Variants in OLA1 observed in about 807,000 individuals in gnomAD.
The protein encoded by OLA1 is Obg like ATPase 1.
Under a neutral mutation model 48.4 loss-of-function variants are expected in OLA1, and 14 were observed. The observed-to-expected ratio is 0.29, with a 90% confidence interval of 0.19 to 0.45. The LOEUF is 0.45. Ranked by LOEUF, OLA1 falls within the 20% of genes least tolerant of loss-of-function variation. The pLI, the probability that OLA1 is intolerant of heterozygous loss-of-function variation, is 1.00. For synonymous variants in OLA1, 127 were observed against 150.4 expected (o/e 0.84, Z 1.14); for missense variants, 325 against 467.1 (o/e 0.70, Z 2.80).
intron 4 of OLA1, among the ~76,000 whole-genome samples, chr2:174,167,983 G>A (rs1223105207): frequency 6.6e-6 from 1 of 152,158 alleles, no homozygotes; most frequent in Non-Finnish European, 1.5e-5. Context: ...GATACAAAAA[G>A]CAGCTACCTA....
chr2:174,143,294 G>A (rs1280608015), intron 4 of OLA1, among the ~76,000 whole-genome samples: 1 of 152,082 alleles, frequency 6.6e-6, no homozygotes, highest in African/African-American at 2.4e-5. Flanking sequence ...GCTATATTAT[G>A]TTTTACTAAC....
intron 2 of OLA1, among the ~76,000 whole-genome samples, chr2:174,230,651 A>G (rs1688707811): frequency 6.6e-6 from 1 of 152,224 alleles, no homozygotes; most frequent in Non-Finnish European, 1.5e-5. Flanking sequence ...AGAAGAACAT[A>G]TTAAATGATA....
At chr2:174,126,536 C>T (rs1204183166) in intron 5 of OLA1, among the ~76,000 whole-genome samples, 1 of 152,118 alleles carries the variant, frequency 6.6e-6, no homozygotes, top group African/African-American at 2.4e-5. Context: ...TTCGGTTAGA[C>T]TGCAGTTACA....
chr2:174,149,733 G>A (rs1416115316), intron 4 of OLA1, among the ~76,000 whole-genome samples: 3 of 152,102 alleles, frequency 2.0e-5, no homozygotes, highest in African/African-American at 4.8e-5. Context: ...TGATGAGTTG[G>A]CTCTTTTCAA....
At chr2:174,100,899 T>C (rs903104134) in intron 7 of OLA1, among the ~76,000 whole-genome samples, 15 of 152,192 alleles carry the variant, frequency 9.9e-5, no homozygotes, top group African/African-American at 2.9e-4. Flanking sequence ...ACAGCAAAAA[T>C]AGACCACAAC....
intron 7 of OLA1, among the ~76,000 whole-genome samples, chr2:174,085,902 A>T (rs1684965618): frequency 6.6e-6 from 1 of 151,782 alleles, no homozygotes; most frequent in Non-Finnish European, 1.5e-5. Context: ...TAGTTTCTTA[A>T]CTCCCCTCTC....
chr2:174,167,500 T>C (rs1687194075), intron 4 of OLA1, among the ~76,000 whole-genome samples: 1 of 152,182 alleles, frequency 6.6e-6, no homozygotes, highest in East Asian at 1.9e-4. Context: ...CGCTTGAACC[T>C]GTGAGGCGGA....
chr2:174,222,708 T>A (rs1688535045), intron 4 of OLA1, among the ~76,000 whole-genome samples: 1 of 152,166 alleles, frequency 6.6e-6, no homozygotes, highest in African/African-American at 2.4e-5. Flanking sequence ...GCAATAAAGT[T>A]CCACAATTTA....
intron 4 of OLA1, among the ~76,000 whole-genome samples, chr2:174,150,245 T>C (rs1686711689): frequency 6.6e-6 from 1 of 151,720 alleles, no homozygotes; most frequent in Non-Finnish European, 1.5e-5. Context: ...ATCACCAGAG[T>C]GGGTTTGTTA....
At chr2:174,192,875 T>G (rs912405796) in intron 4 of OLA1, among the ~76,000 whole-genome samples, 4 of 152,312 alleles carry the variant, frequency 2.6e-5, no homozygotes, top group South Asian at 4.1e-4. Context: ...ATCATTGTTC[T>G]CTATACATAA....
At chr2:174,082,147 T>TA in intron 7 of OLA1, 83 bp from the exon 8 acceptor site, 1 of 1,455,978 alleles carries the variant, frequency 6.9e-7, no homozygotes, top group Non-Finnish European at 9.5e-7. Context: ...AGCACATACA[T>TA]ATTCATAAGA....
At chr2:174,179,668 A>T (rs1209068755) in intron 4 of OLA1, among the ~76,000 whole-genome samples, 1 of 152,054 alleles carries the variant, frequency 6.6e-6, no homozygotes, top group Non-Finnish European at 1.5e-5. Context: ...TAACATTTAC[A>T]TACTGACTAA....
chr2:174,104,719 A>T (rs770103774), intron 7 of OLA1, among the ~76,000 whole-genome samples: 9 of 152,082 alleles, frequency 5.9e-5, no homozygotes, highest in African/African-American at 9.6e-5. Context: ...AAATTTAAGC[A>T]GTTTGAAGCA....
intron 7 of OLA1, among the ~76,000 whole-genome samples, chr2:174,113,843 C>T (rs1049133588): frequency 2.6e-5 from 4 of 152,122 alleles, no homozygotes; most frequent in African/African-American, 9.7e-5. Context: ...CACTTACCTG[C>T]TCCAAGAACT....
At chr2:174,129,556 TAA>T (rs1348763027) in intron 5 of OLA1, among the ~76,000 whole-genome samples, 3 of 151,092 alleles carry the variant, frequency 2.0e-5, no homozygotes. Context: ...AAACTATATA[TAA>T]TATATATAAA....
At chr2:174,093,327 G>T (rs1207203906) in intron 7 of OLA1, among the ~76,000 whole-genome samples, 2 of 151,920 alleles carry the variant, frequency 1.3e-5, no homozygotes, top group Non-Finnish European at 2.9e-5. Flanking sequence ...AAATTAGCCA[G>T]GCATGGTGGT....
At chr2:174,219,423 C>CTTTTTTTTT (rs372577919) in intron 4 of OLA1, among the ~76,000 whole-genome samples, 5 of 94,926 alleles carry the variant, frequency 5.3e-5, no homozygotes, top group Admixed American at 2.8e-4. Context: ...TTTTATTTCC[C>CTTTTTTTTT]TTTTTTTTTT....
At chr2:174,133,890 T>A (rs1346588703) in intron 5 of OLA1, among the ~76,000 whole-genome samples, 1 of 152,238 alleles carries the variant, frequency 6.6e-6, no homozygotes. Context: ...AACATTTCCA[T>A]CACTCCAAAA....
chr2:174,082,241 C>T (rs1430080446), intron 7 of OLA1, among the ~76,000 whole-genome samples, 177 bp from the exon 8 acceptor site: 1 of 152,058 alleles, frequency 6.6e-6, no homozygotes, highest in Non-Finnish European at 1.5e-5. Context: ...TTCAGGTATA[C>T]GCCATAGTAT....
Sources: allele counts gnomAD v4.1 joint callset (sites outside exome capture counted in the v4.1 genomes callset), GRCh38; gene constraint gnomAD v4.1.1; transcripts MANE v1.5; gene names NCBI Gene and HGNC (gene_info 2026-07-23, HGNC 2026-07-21).